Variants in DNMT3A observed in about 807,000 individuals in gnomAD.
DNMT3A encodes DNA (cytosine-5)-methyltransferase 3A.
A neutral mutation model predicts 117.6 loss-of-function variants in DNMT3A; 267 were observed. That is an observed-to-expected ratio of 2.27 (90% CI 2.05 to 2.51). The LOEUF (loss-of-function observed/expected upper bound fraction) is 2.51, where lower values mean the gene tolerates loss of function less well. DNMT3A is among the 30% of genes most tolerant of loss of function. The probability of loss-of-function intolerance (pLI) is 0.00; values close to 1 mark genes in which losing one functional copy is unlikely to be tolerated. For synonymous variants in DNMT3A, 432 were observed against 474.8 expected (o/e 0.91, Z 1.17); for missense variants, 1,029 against 1,260.2 (o/e 0.82, Z 2.78).
chr2:25,325,471 T>C (rs2149441588), intron 1 of DNMT3A, among the ~76,000 whole-genome samples: 1 of 152,194 alleles, frequency 6.6e-6, no homozygotes, highest in Non-Finnish European at 1.5e-5. Flanking sequence ...TTTCCAACCT[T>C]CTCTACAGCA....
chr2:25,240,257 T>G, intron 19 of DNMT3A, 45 bp downstream of exon 19: 2 of 1,612,808 alleles, frequency 1.2e-6, no homozygotes, highest in Non-Finnish European at 1.7e-6. Flanking sequence ...CAGTCCAAGG[T>G]AGAAGCCATT....
chr2:25,244,616 CG>C lies in DNMT3A; in HGVS notation c.1590del (p.Asp530GlufsTer121). On this transcript the variant is annotated frameshift_variant, in exon 14 of 23. Coordinates refer to ENST00000321117, the MANE Select transcript of DNMT3A (RefSeq NM_022552.5). LOFTEE classifies it high-confidence loss of function. ...ATGGTGCAGTAGGACTGGTAGCCGT[CG>C]TCGTCGTACTGGTACGCACACTCCA... ...CFLECAYQYD[D>X]DGYQSYCTIC... 6.2e-7 allele frequency: 1 copy of C among 1,614,146 alleles called. No individual in the cohort carries two copies. Among genetic ancestry groups the C allele is most frequent in the Non-Finnish European group, 8.5e-7 (1 of 1,180,018 alleles).
chr2:25,271,764 C>G (rs899217497), intron 6 of DNMT3A, among the ~76,000 whole-genome samples: 3 of 152,192 alleles, frequency 2.0e-5, no homozygotes. Flanking sequence ...CTCCACATTG[C>G]AAGTCAAGTG....
intron 1 of DNMT3A, among the ~76,000 whole-genome samples, chr2:25,335,367 G>A (rs561283186): frequency 2.0e-4 from 30 of 152,356 alleles, no homozygotes; most frequent in African/African-American, 7.2e-4. Flanking sequence ...GGCTTGGCAG[G>A]GGCAGGGGCG....
At chr2:25,323,348 C>T (rs989016451) in intron 1 of DNMT3A, among the ~76,000 whole-genome samples, 1 of 152,138 alleles carries the variant, frequency 6.6e-6, no homozygotes, top group African/African-American at 2.4e-5. Context: ...TCTGAACTTC[C>T]GGGGACTGTG....
Position 25,234,391 on chromosome 2 carries a change from T to G in DNMT3A, c.2627A>C (p.Asp876Ala). ...CGCCAAGCGGCTCATGTTGGAGACGTCAGTATAGTGGACTGGGAAACCAAA... is the reference window on the plus strand; with the variant it reads ...CGCCAAGCGGCTCATGTTGGAGACGGCAGTATAGTGGACTGGGAAACCAAA... ...RVFGFPVHYT[D>A]VSNMSRLARQ... is the part of the protein sequence containing the mutation. The change falls in exon 23 of 23, where the codon GAC becomes GCC. Residue 876 changes from aspartate to alanine, a missense_variant. Physicochemically the swap from Asp to Ala is moderately radical, Grantham distance 126. Transcript: ENST00000321117. The surrounding 1 kb of genome is among the most constrained non-coding windows in gnomAD (Gnocchi z 4.5). The G allele has an allele frequency of 6.2e-7, 1 of 1,613,980 alleles. No individual in the cohort carries two copies. The highest frequency in any genetic ancestry group is 8.5e-7 in the Non-Finnish European group (1 of 1,179,968).
intron 1 of DNMT3A, among the ~76,000 whole-genome samples, chr2:25,333,577 C>T (rs982728815): frequency 6.6e-6 from 1 of 152,110 alleles, no homozygotes. Context: ...ATGATCCACC[C>T]GCCTCGGCCT....
At chr2:25,309,393 CTGGTGTGTGTGCCTGTACACGCAGG>C (rs2033959809) in intron 2 of DNMT3A, among the ~76,000 whole-genome samples, 1 of 152,234 alleles carries the variant, frequency 6.6e-6, no homozygotes, top group African/African-American at 2.4e-5. Flanking sequence ...GTGCCTCCAT[CTGGTGTGTGTGCCTGTACACGCAGG>C]TGGTGTGTGC....
Position 25,282,175 on chromosome 2 carries a change from G to A in DNMT3A, c.448+266C>T. 8.4e-7 allele frequency: 1 copy of A among 1,187,516 alleles called. No individual in the cohort carries two copies. Among genetic ancestry groups the A allele is most frequent in the Non-Finnish European group, 1.1e-6 (1 of 930,682 alleles). The allele number at this position is 1,187,516 out of a possible 1,614,324, so 73.6% of individuals were successfully genotyped here. ...CTAGCTTTTTTTTTTTTCATGAGAAGCCAAAACTCCAGATTTTTATGTGAA... is the reference window on the plus strand; with the variant it reads ...CTAGCTTTTTTTTTTTTCATGAGAAACCAAAACTCCAGATTTTTATGTGAA... On this transcript the variant is annotated intron_variant, in intron 4 of 22. Transcript: ENST00000321117. This position sits in a 1 kb window ranked among gnomAD's most constrained non-coding sequence, Gnocchi z 5.2.
chr2:25,308,772 C>A (rs1422652631), intron 2 of DNMT3A, among the ~76,000 whole-genome samples: 2 of 152,168 alleles, frequency 1.3e-5, no homozygotes, highest in Non-Finnish European at 1.5e-5. Flanking sequence ...TGCCCAGGAG[C>A]AGGTGACAGA....
At position 25,234,309 on chromosome 2, in the gene DNMT3A, AGCGAAGAGGTGGCGGATGACTG is replaced by A; in HGVS notation, c.2687_2708del (p.Pro896LeufsTer3). The A allele has an allele frequency of 6.2e-7, 1 of 1,613,976 alleles. No individual in the cohort carries two copies. ...CACACGCAAAATACTCCTTCAGCGG[AGCGAAGAGGTGGCGGATGACTG>A]GCACGCTCCATGACCGGCCCAGCAG... is the stretch of plus-strand genomic sequence containing the variant. On this transcript the variant is annotated frameshift_variant, in exon 23 of 23. Coordinates refer to ENST00000321117, the MANE Select transcript of DNMT3A (RefSeq NM_022552.5). LOFTEE classifies it high-confidence loss of function. This position sits in a 1 kb window ranked among gnomAD's most constrained non-coding sequence, Gnocchi z 4.5.
Position 25,237,289 on chromosome 2 carries a change from G to GA in DNMT3A, c.2409-285dup, listed in dbSNP as rs1471797493. On this transcript the variant is annotated intron_variant, in intron 20 of 22. Coordinates refer to ENST00000321117, the MANE Select transcript of DNMT3A (RefSeq NM_022552.5). The surrounding 1 kb of genome is among the most constrained non-coding windows in gnomAD (Gnocchi z 5.4). ...AGGCAGATAACACCTAGCAGAAAAA[G>GA]AAAAAAAAAGCACAGCTATCTTTAC... Among the ~76,000 whole-genome samples the GA allele has an allele frequency of 2.7e-5, 4 of 150,766 alleles. No individual in the cohort carries two copies. The highest frequency in any genetic ancestry group is 4.9e-5 in the African/African-American group (2 of 41,178).
chr2:25,290,477 A>G (rs2032671807), intron 3 of DNMT3A, among the ~76,000 whole-genome samples: 1 of 152,072 alleles, frequency 6.6e-6, no homozygotes, highest in Non-Finnish European at 1.5e-5. Context: ...GTGTGCCACC[A>G]CATCCAGCTA....
chr2:25,265,283 G>C (rs759909657), intron 6 of DNMT3A, among the ~76,000 whole-genome samples: 1 of 152,196 alleles, frequency 6.6e-6, no homozygotes, highest in African/African-American at 2.4e-5. Flanking sequence ...CATGCGGCAG[G>C]CTGGAAAGCC....
In DNMT3A at chr2:25,266,396, C is replaced by T; in HGVS notation, c.639+8545G>A. Among the ~76,000 whole-genome samples, 2 of 152,176 alleles carry T rather than the reference C, an allele frequency of 1.3e-5. 1 individual carries two copies. On this transcript the variant is annotated intron_variant, in intron 6 of 22. Transcript: ENST00000321117. ...AGTTGGCTAATAATTTGTTTTGAGC[C>T]TTTACTGGTCTACTTTGCACTTCCA...
At chr2:25,317,278 T>C (rs1321304309) in intron 1 of DNMT3A, among the ~76,000 whole-genome samples, 1 of 148,530 alleles carries the variant, frequency 6.7e-6, no homozygotes, top group Non-Finnish European at 1.5e-5. Flanking sequence ...CCCAGGCTGG[T>C]CTTGAACACA....
intron 20 of DNMT3A, 75 bp downstream of exon 20, chr2:25,239,055 G>A: frequency 7.3e-7 from 1 of 1,373,434 alleles, no homozygotes; most frequent in Non-Finnish European, 1.0e-6. Context: ...GCCCGGCTCA[G>A]GGGCTTCCCC....
intron 6 of DNMT3A, chr2:25,251,841 C>T: frequency 5.5e-6 from 2 of 364,998 alleles, no homozygotes; most frequent in Non-Finnish European, 9.9e-6. Flanking sequence ...CACCCATCTG[C>T]CAGCTCAGCT....
At chr2:25,341,722 G>A in intron 1 of DNMT3A, 104 bp downstream of exon 1, 1 of 824,844 alleles carries the variant, frequency 1.2e-6, no homozygotes, top group Non-Finnish European at 1.5e-6. Context: ...CCGGGAGCGT[G>A]CCCCGAGCCG....
Sources: allele counts gnomAD v4.1 joint callset (sites outside exome capture counted in the v4.1 genomes callset), GRCh38; gene constraint gnomAD v4.1.1; non-coding constraint Gnocchi (gnomAD v3.1); transcripts MANE v1.5; gene names NCBI Gene and HGNC (gene_info 2026-07-23, HGNC 2026-07-21).